WWOX: variants seen among roughly 807,000 people sequenced by gnomAD.
The protein encoded by WWOX is WW domain containing oxidoreductase.
WWOX carries 69 observed loss-of-function variants against 46.2 expected under a neutral mutation model. The observed-to-expected ratio is 1.49, with a 90% confidence interval of 1.23 to 1.82. The LOEUF is 1.82. Ranked by LOEUF, WWOX falls within the 40% of genes most tolerant of loss-of-function variation. The probability of loss-of-function intolerance (pLI) is 0.00; values close to 1 mark genes in which losing one functional copy is unlikely to be tolerated. For synonymous variants in WWOX, 359 were observed against 202.6 expected (o/e 1.77, Z -6.56); for missense variants, 919 against 542.6 (o/e 1.69, Z -6.89).
chr16:78,714,447 C>T (rs997245848), intron 8 of WWOX, among the ~76,000 whole-genome samples: 11 of 151,810 alleles, frequency 7.2e-5, no homozygotes, highest in African/African-American at 2.7e-4. Flanking sequence ...CCCCATGATT[C>T]AGTTACCTCC....
intron 8 of WWOX, among the ~76,000 whole-genome samples, chr16:78,785,217 C>T (rs915449234): frequency 1.3e-5 from 2 of 152,208 alleles, no homozygotes; most frequent in Non-Finnish European, 2.9e-5. Context: ...AGCAGGCGCT[C>T]TCAGCAAAGG....
rs151045554 is a variant in WWOX at position 78,356,724 on chromosome 16, T to C, written c.517-30136T>C. Among the ~76,000 whole-genome samples, 1,414 of 152,004 alleles carry C rather than the reference T, an allele frequency of 9.3e-3. 14 individuals carry two copies. The highest frequency in any genetic ancestry group is 0.037 in the Middle Eastern group (11 of 294). On this transcript the variant is annotated intron_variant, in intron 5 of 8. Transcript: ENST00000566780. ...GGTGAAACCCCGTCTCTACTAAAAA[T>C]AGAAAAAATTAGCCGGGCATAGTGG...
In WWOX at chr16:78,393,782, A is replaced by G. The variant is rs182858893; in HGVS notation, c.605+6834A>G. Among the ~76,000 whole-genome samples, 836 of 152,262 alleles carry G rather than the reference A, an allele frequency of 5.5e-3. 7 individuals carry two copies. Among genetic ancestry groups the G allele is most frequent in the Non-Finnish European group, 4.7e-3 (319 of 68,022 alleles). ...TTCTGAACTTTCTGTCACCGGTATA[A>G]TTTAAAGAAATTATACTTAAGCTTT... On this transcript the variant is annotated intron_variant, in intron 6 of 8. Transcript: ENST00000566780.
At chr16:78,646,225 T>G (rs1453593791) in intron 8 of WWOX, among the ~76,000 whole-genome samples, 3 of 152,110 alleles carry the variant, frequency 2.0e-5, no homozygotes, top group Non-Finnish European at 4.4e-5. Context: ...CTTGCTCTAT[T>G]GCCAGGCTGA....
chr16:78,731,497 T>A (rs1230662045), intron 8 of WWOX, among the ~76,000 whole-genome samples: 1 of 152,214 alleles, frequency 6.6e-6, no homozygotes, highest in East Asian at 1.9e-4. Context: ...CTGTTCTTTC[T>A]TGTTTCCCTT....
At chr16:78,714,804 G>T (rs1244818933) in intron 8 of WWOX, among the ~76,000 whole-genome samples, 1 of 152,154 alleles carries the variant, frequency 6.6e-6, no homozygotes, top group Non-Finnish European at 1.5e-5. Flanking sequence ...TGTAAACCAA[G>T]GTGAGGACTT....
intron 5 of WWOX, among the ~76,000 whole-genome samples, chr16:78,252,248 C>A (rs1384842396): frequency 6.6e-6 from 1 of 152,086 alleles, no homozygotes; most frequent in African/African-American, 2.4e-5. Flanking sequence ...TAGCTCTGAG[C>A]ACCTCCTGAT....
chr16:78,924,630 G>C (rs1415800865), intron 8 of WWOX, among the ~76,000 whole-genome samples: 1 of 152,166 alleles, frequency 6.6e-6, no homozygotes, highest in East Asian at 1.9e-4. Flanking sequence ...TGACTGTTTA[G>C]AAAGTGTTAA....
chr16:79,168,639 G>C (rs1474691658), intron 8 of WWOX, among the ~76,000 whole-genome samples: 1 of 152,188 alleles, frequency 6.6e-6, no homozygotes, highest in Admixed American at 6.5e-5. Context: ...ATCTACACTT[G>C]TCGACTAGAA....
At chr16:78,838,555 C>G (rs2052052656) in intron 8 of WWOX, among the ~76,000 whole-genome samples, 2 of 152,188 alleles carry the variant, frequency 1.3e-5, no homozygotes, top group South Asian at 2.1e-4. Context: ...AAATAGAAAA[C>G]AGATGGCTGG....
chr16:78,917,235 C>G (rs890325128), intron 8 of WWOX, among the ~76,000 whole-genome samples: 2 of 152,214 alleles, frequency 1.3e-5, no homozygotes, highest in Non-Finnish European at 2.9e-5. Context: ...TACTGCAGAC[C>G]TCCCAAAGCT....
At chr16:78,440,632 T>A (rs943221936) in intron 8 of WWOX, among the ~76,000 whole-genome samples, 3 of 149,050 alleles carry the variant, frequency 2.0e-5, no homozygotes, top group East Asian at 1.9e-4. Context: ...TTTCTTTTTT[T>A]TTGAGACGGA....
intron 8 of WWOX, among the ~76,000 whole-genome samples, chr16:79,150,479 C>A (rs780093385): frequency 3.9e-5 from 6 of 152,072 alleles, no homozygotes; most frequent in Non-Finnish European, 7.4e-5. Context: ...TCTATGTCCC[C>A]AATATAGGGA....
chr16:78,472,560 G>C (rs948793950), intron 8 of WWOX, among the ~76,000 whole-genome samples: 3 of 152,142 alleles, frequency 2.0e-5, no homozygotes, highest in African/African-American at 7.2e-5. Flanking sequence ...TGTAATCCCA[G>C]CACTTTGGAA....
At chr16:78,456,089 G>C (rs1205661942) in intron 8 of WWOX, among the ~76,000 whole-genome samples, 1 of 152,178 alleles carries the variant, frequency 6.6e-6, no homozygotes, top group East Asian at 1.9e-4. Flanking sequence ...AACTAAAGGG[G>C]GTGGAGGAGG....
At chr16:78,520,041 C>G (rs572365301) in intron 8 of WWOX, among the ~76,000 whole-genome samples, 2 of 152,272 alleles carry the variant, frequency 1.3e-5, no homozygotes, top group African/African-American at 4.8e-5. Flanking sequence ...GCAGTCATTT[C>G]CCAGATGGAA....
chr16:79,207,537 C>G (rs1171780055), intron 8 of WWOX, among the ~76,000 whole-genome samples: 1 of 152,204 alleles, frequency 6.6e-6, no homozygotes, highest in Admixed American at 6.5e-5. Flanking sequence ...TGCAATGTCC[C>G]TGTAAGAAAG....
intron 8 of WWOX, among the ~76,000 whole-genome samples, chr16:78,753,342 A>C (rs569084526): frequency 2.8e-4 from 42 of 152,190 alleles, no homozygotes; most frequent in Admixed American, 7.2e-4. Context: ...AAAGAAAGAA[A>C]GAACCTCTTA....
At chr16:78,694,369 G>A (rs747555520) in intron 8 of WWOX, among the ~76,000 whole-genome samples, 4 of 152,130 alleles carry the variant, frequency 2.6e-5, no homozygotes, top group Admixed American at 6.5e-5. Context: ...GACAAAAAGG[G>A]CCACACTCTT....
Sources: allele counts gnomAD v4.1 joint callset (sites outside exome capture counted in the v4.1 genomes callset), GRCh38; gene constraint gnomAD v4.1.1; transcripts MANE v1.5; gene names NCBI Gene and HGNC (gene_info 2026-07-23, HGNC 2026-07-21).